Variants in KCNG2 observed in about 807,000 individuals in gnomAD.
The protein encoded by KCNG2 is potassium voltage-gated channel modifier subfamily G member 2.
A neutral mutation model predicts 12.3 loss-of-function variants in KCNG2; 7 were observed. The ratio of observed to expected loss-of-function variants is 0.57; its 90% CI spans 0.32 to 1.07. KCNG2 has a LOEUF of 1.07. KCNG2 is among the 50% of genes least tolerant of loss of function. KCNG2 has a pLI of 0.04. For missense variants in KCNG2, 703 were observed against 726.0 expected (o/e 0.97, Z 0.36); for synonymous variants, 414 against 351.4 (o/e 1.18, Z -1.99).
intron 1 of KCNG2, among the ~76,000 whole-genome samples, chr18:79,801,143 C>G (rs549662261): frequency 5.3e-5 from 8 of 152,228 alleles, no homozygotes; most frequent in Non-Finnish European, 1.0e-4. Context: ...TGAATGATGA[C>G]GCCCTGACCT....
chr18:79,819,799 G>A (rs2087557898), intron 1 of KCNG2, among the ~76,000 whole-genome samples: 1 of 152,138 alleles, frequency 6.6e-6, no homozygotes, highest in African/African-American at 2.4e-5. Flanking sequence ...ACCACTTTTT[G>A]CCAAATTCTT....
intron 1 of KCNG2, among the ~76,000 whole-genome samples, chr18:79,816,681 A>C (rs2087530756): frequency 6.6e-6 from 1 of 152,188 alleles, no homozygotes; most frequent in Non-Finnish European, 1.5e-5. Flanking sequence ...GTTTCTCACA[A>C]ATGTGAAATT....
At chr18:79,860,215 C>T (rs573260394) in intron 2 of KCNG2, among the ~76,000 whole-genome samples, 3 of 152,344 alleles carry the variant, frequency 2.0e-5, no homozygotes, top group Non-Finnish European at 4.4e-5. Flanking sequence ...TTGAGCCCTC[C>T]AACTTTGTCC....
At chr18:79,839,819 G>A (rs1279952007) in intron 1 of KCNG2, among the ~76,000 whole-genome samples, 2 of 152,212 alleles carry the variant, frequency 1.3e-5, no homozygotes, top group African/African-American at 2.4e-5. Context: ...GGGATGCAAA[G>A]ATGATTCAGT....
chr18:79,878,466 C>A (rs1980167410), intron 3 of KCNG2, among the ~76,000 whole-genome samples: 1 of 108,884 alleles, frequency 9.2e-6, no homozygotes, highest in Non-Finnish European at 2.0e-5. Flanking sequence ...CTGATGCCCA[C>A]GTGGCAGTGT....
At chr18:79,866,808 GTGTCTGTGTGCTGAGAGGTCTGT>G (rs1979594242) in intron 3 of KCNG2, among the ~76,000 whole-genome samples, 1 of 124,520 alleles carries the variant, frequency 8.0e-6, no homozygotes, top group African/African-American at 2.9e-5. Context: ...TGAGGTCTGT[GTGTCTGTGTGCTGAGAGGTCTGT>G]GTGCTGAGAG....
intron 3 of KCNG2, among the ~76,000 whole-genome samples, chr18:79,872,190 C>T (rs1230925608): frequency 8.3e-6 from 1 of 119,834 alleles, no homozygotes; most frequent in Admixed American, 9.6e-5. Flanking sequence ...ATGGGGAAAA[C>T]ATCGAAGATT....
chr18:79,864,078 G>A lies in KCNG2; in HGVS notation c.411G>A (p.Pro137=), dbSNP rs1979347647. The A allele has an allele frequency of 2.8e-6, 3 of 1,063,360 alleles. No homozygotes were observed. Among genetic ancestry groups the A allele is most frequent in the Non-Finnish European group, 2.3e-6 (2 of 881,710 alleles). The allele number at this position is 1,063,360 out of a possible 1,614,324, so 65.9% of individuals were successfully genotyped here. A position where few individuals can be genotyped will look rare whatever the true frequency, so the allele number is the denominator to read the frequency against. ...EEEAAEARAG[P]TERGAQGSPA... ...AGGCGGCCGAGGCCCGCGCGGGGCCGACGGAGCGCGGGGCGCAGGGGAGCC... is the reference window on the plus strand; with the variant it reads ...AGGCGGCCGAGGCCCGCGCGGGGCCAACGGAGCGCGGGGCGCAGGGGAGCC... Residue 137 remains proline (P), a synonymous_variant, in exon 3 of 4, where the codon CCG becomes CCA. Transcript: ENST00000316249.
intron 1 of KCNG2, among the ~76,000 whole-genome samples, chr18:79,853,673 A>G (rs1978903467): frequency 6.6e-6 from 1 of 152,218 alleles, no homozygotes; most frequent in Non-Finnish European, 1.5e-5. Context: ...GAGCTTCCAG[A>G]TGCCAGGCAG....
intron 3 of KCNG2, among the ~76,000 whole-genome samples, chr18:79,893,139 G>A (rs1310993554): frequency 5.4e-5 from 8 of 148,266 alleles, no homozygotes; most frequent in Non-Finnish European, 8.9e-5. Flanking sequence ...GATTGTTCAC[G>A]CCATTCACAT....
intron 3 of KCNG2, among the ~76,000 whole-genome samples, chr18:79,888,626 A>G (rs1980636294): frequency 6.6e-6 from 1 of 152,152 alleles, no homozygotes; most frequent in Non-Finnish European, 1.5e-5. Context: ...CAGTGATGTC[A>G]AGCATCTTTT....
At chr18:79,890,287 T>C (rs186441563) in intron 3 of KCNG2, among the ~76,000 whole-genome samples, 31 of 149,974 alleles carry the variant, frequency 2.1e-4, no homozygotes, top group African/African-American at 7.2e-4. Context: ...TATTAATTCC[T>C]TTTTTATGAA....
chr18:79,861,348 G>A (rs1304672941), intron 2 of KCNG2, among the ~76,000 whole-genome samples: 1 of 144,746 alleles, frequency 6.9e-6, no homozygotes, highest in Non-Finnish European at 1.5e-5. Flanking sequence ...GCGCGATCTC[G>A]GCTCACTGAA....
chr18:79,857,536 C>G (rs755235590), intron 2 of KCNG2, among the ~76,000 whole-genome samples: 1 of 151,868 alleles, frequency 6.6e-6, no homozygotes, highest in Non-Finnish European at 1.5e-5. Flanking sequence ...GGGCAGTCTG[C>G]GAGCTACACT....
At chr18:79,865,808 T>G (rs1979489485) in intron 3 of KCNG2, among the ~76,000 whole-genome samples, 1 of 116,208 alleles carries the variant, frequency 8.6e-6, no homozygotes, top group South Asian at 2.9e-4. Flanking sequence ...GTCTGTGTGC[T>G]GAGAGGTCTG....
At chr18:79,823,263 G>A (rs563020274) in intron 1 of KCNG2, among the ~76,000 whole-genome samples, 9 of 152,326 alleles carry the variant, frequency 5.9e-5, no homozygotes, top group East Asian at 1.9e-4. Context: ...TGCTCTGTGC[G>A]GGCACTGGGC....
chr18:79,864,813 T>G (rs1979395041), intron 3 of KCNG2, among the ~76,000 whole-genome samples: 1 of 148,386 alleles, frequency 6.7e-6, no homozygotes, highest in Non-Finnish European at 1.5e-5. Flanking sequence ...GTCTGTGTGC[T>G]GAGAGGTCTG....
chr18:79,885,739 G>A (rs932023960), intron 3 of KCNG2, among the ~76,000 whole-genome samples: 1 of 152,204 alleles, frequency 6.6e-6, no homozygotes, highest in Admixed American at 6.5e-5. Context: ...CCGGGGACAC[G>A]AGGGAGATGC....
At chr18:79,847,804 G>A (rs1310602448) in intron 1 of KCNG2, among the ~76,000 whole-genome samples, 1 of 152,184 alleles carries the variant, frequency 6.6e-6, no homozygotes, top group Non-Finnish European at 1.5e-5. Context: ...TGGCGGCAGT[G>A]GGGCCACGTG....
Sources: allele counts gnomAD v4.1 joint callset (sites outside exome capture counted in the v4.1 genomes callset), GRCh38; gene constraint gnomAD v4.1.1; transcripts MANE v1.5; gene names NCBI Gene and HGNC (gene_info 2026-07-23, HGNC 2026-07-21).